The following LMF1 variants were observed in gnomAD, a reference collection of about 807,000 sequenced individuals.
LMF1 encodes the protein transmembrane protein 112.
A neutral mutation model predicts 60.6 loss-of-function variants in LMF1; 68 were observed. That is an observed-to-expected ratio of 1.12 (90% CI 0.92 to 1.37). The LOEUF (loss-of-function observed/expected upper bound fraction) is 1.37, where lower values mean the gene tolerates loss of function less well. Ranked by LOEUF, LMF1 falls within the 40% of genes most tolerant of loss-of-function variation. The probability of loss-of-function intolerance (pLI) is 0.00; values close to 1 mark genes in which losing one functional copy is unlikely to be tolerated. For missense variants in LMF1, 948 were observed against 767.2 expected (o/e 1.24, Z -2.78); for synonymous variants, 418 against 324.7 (o/e 1.29, Z -3.09).
intron 1 of LMF1, among the ~76,000 whole-genome samples, chr16:967,801 G>A (rs894343305): frequency 3.9e-5 from 6 of 152,280 alleles, no homozygotes; most frequent in African/African-American, 7.2e-5. Context: ...CAGGGCCTAC[G>A]GACAATCGCT....
At chr16:888,793 G>A (rs1213479207) in intron 5 of LMF1, among the ~76,000 whole-genome samples, 3 of 152,166 alleles carry the variant, frequency 2.0e-5, no homozygotes, top group African/African-American at 7.2e-5. Flanking sequence ...CACCACATCT[G>A]GGGTGGGGTT....
chr16:918,637 T>A (rs2071342965), intron 3 of LMF1, among the ~76,000 whole-genome samples: 1 of 152,076 alleles, frequency 6.6e-6, no homozygotes, highest in Admixed American at 6.5e-5. Flanking sequence ...GGGGACGTTG[T>A]GCCCACGGAG....
chr16:940,908 A>T (rs1027200165), intron 2 of LMF1, among the ~76,000 whole-genome samples: 3 of 152,234 alleles, frequency 2.0e-5, no homozygotes, highest in Non-Finnish European at 2.9e-5. Flanking sequence ...TAAAATCTCC[A>T]AACAGAATTG....
intron 5 of LMF1, among the ~76,000 whole-genome samples, chr16:891,258 G>C (rs1388392611): frequency 6.6e-6 from 1 of 152,208 alleles, no homozygotes; most frequent in African/African-American, 2.4e-5. Context: ...CCACACCCTG[G>C]TGGTCCTGGC....
chr16:915,857 C>T (rs191058632), intron 3 of LMF1, among the ~76,000 whole-genome samples: 7 of 151,890 alleles, frequency 4.6e-5, no homozygotes, highest in African/African-American at 1.2e-4. Context: ...GGCCGGAGCA[C>T]GTGGGACGCG....
At chr16:860,194 A>T (rs56401701) in intron 10 of LMF1, among the ~76,000 whole-genome samples, 58,868 of 129,056 alleles carry the variant, frequency 0.46, 12,569 homozygotes, top group South Asian at 0.62. Flanking sequence ...CTTAAAAATT[A>T]TCTTTGTTCT....
intron 6 of LMF1, chr16:871,751 T>C (rs2069801160): frequency 5.7e-6 from 1 of 174,960 alleles, no homozygotes; most frequent in Non-Finnish European, 1.2e-5. Context: ...GGAGAGTGGG[T>C]ACTGGGGACG....
In LMF1 at chr16:874,834, C is replaced by T. The variant is rs560743576; in HGVS notation, c.898-3493G>A. ...TGTCACAGCGCGGCACAGGGGAGTA[C>T]GCAGCCCCAGCCAGGACACTACAAT... is the stretch of plus-strand genomic sequence containing the variant. On this transcript the variant is annotated intron_variant, in intron 6 of 10. Coordinates refer to ENST00000262301, the MANE Select transcript of LMF1 (RefSeq NM_022773.4). The surrounding 1 kb of genome is among the most constrained non-coding windows in gnomAD (Gnocchi z 4.1). 1.7e-4 allele frequency among the ~76,000 whole-genome samples: 26 copies of T among 152,146 alleles called. No individual in the cohort carries two copies. Among genetic ancestry groups the T allele is most frequent in the African/African-American group, 3.9e-4 (16 of 41,432 alleles).
At chr16:888,741 G>A (rs2070386015) in intron 5 of LMF1, among the ~76,000 whole-genome samples, 3 of 152,204 alleles carry the variant, frequency 2.0e-5, no homozygotes, top group Admixed American at 2.0e-4. Flanking sequence ...AGCACTGGGG[G>A]GGGTCCTAGG....
At chr16:951,195 C>T (rs968229873) in intron 2 of LMF1, among the ~76,000 whole-genome samples, 1 of 149,702 alleles carries the variant, frequency 6.7e-6, no homozygotes, top group African/African-American at 2.5e-5. Context: ...AGTCAGCCAA[C>T]GACAGAGTCA....
At chr16:888,926 C>CG (rs1469459456) in intron 5 of LMF1, among the ~76,000 whole-genome samples, 1 of 152,206 alleles carries the variant, frequency 6.6e-6, no homozygotes, top group African/African-American at 2.4e-5. Context: ...TGCATCCCCC[C>CG]TCTCCTGTGC....
At chr16:899,835 G>C (rs1327504200) in intron 4 of LMF1, 1 of 152,282 alleles carries the variant, frequency 6.6e-6, no homozygotes, top group Non-Finnish European at 1.5e-5. Flanking sequence ...TTGAGCCCCT[G>C]GCACCTTCCT....
intron 1 of LMF1, chr16:979,412 C>A: frequency 2.8e-6 from 1 of 352,992 alleles, no homozygotes; most frequent in South Asian, 2.1e-5. Context: ...CACCTCCCCA[C>A]CCCTCCTGTG....
rs778199428 is a variant in LMF1, at chr16:924,155, G to T, written c.514+10089C>A. 5.9e-5 allele frequency among the ~76,000 whole-genome samples: 9 copies of T among 152,316 alleles called. No individual in the cohort carries two copies. In the East Asian group the frequency reaches 1.2e-3, roughly 20 times the overall value. On this transcript the variant is annotated intron_variant, in intron 3 of 10. Transcript: ENST00000262301. Reference sequence around the variant, plus strand: ...GACACAGCTATACTGATGATGATGAGAAGAACATTAGGGTGTGTGAGGGCA... The same window carrying T: ...GACACAGCTATACTGATGATGATGATAAGAACATTAGGGTGTGTGAGGGCA...
chr16:972,037 T>G (rs2151500178), upstream of LMF1, among the ~76,000 whole-genome samples: 1 of 152,292 alleles, frequency 6.6e-6, no homozygotes, highest in East Asian at 1.9e-4. Context: ...TGACCCGTCT[T>G]TATTGCTTGT....
chr16:931,783 G>A (rs936497064), intron 3 of LMF1: 16 of 1,286,706 alleles, frequency 1.2e-5, no homozygotes, highest in Admixed American at 9.2e-5. Flanking sequence ...CCAAAGTGAC[G>A]TGCTGAGCCG....
intron 5 of LMF1, among the ~76,000 whole-genome samples, chr16:882,302 C>T (rs565829193): frequency 6.6e-6 from 1 of 152,388 alleles, no homozygotes; most frequent in East Asian, 1.9e-4. Context: ...TGGCTCGCCT[C>T]CCCTGGAATC....
chr16:950,387 T>TGACAGAGTCAGAGCCAAC, intron 2 of LMF1, among the ~76,000 whole-genome samples: 1 of 91,578 alleles, frequency 1.1e-5, no homozygotes, highest in Admixed American at 1.3e-4. Context: ...AGTCAGCCAA[T>TGACAGAGTCAGAGCCAAC]GACAGAGTCA....
upstream of LMF1, among the ~76,000 whole-genome samples, chr16:973,485 G>A (rs772749715): frequency 2.0e-5 from 3 of 152,184 alleles, no homozygotes; most frequent in South Asian, 2.1e-4. Flanking sequence ...TGAAATGTCC[G>A]GGGTGGGCAA....
Sources: gnomAD v4.1 joint callset for allele counts (sites outside exome capture counted in the v4.1 genomes callset) on GRCh38, gnomAD v4.1.1 for gene constraint, Gnocchi (gnomAD v3.1) non-coding constraint, MANE v1.5 for transcripts, NCBI Gene and HGNC (gene_info 2026-07-23, HGNC 2026-07-21) for gene names.